The following TMEM39B variants were observed in gnomAD, a reference collection of about 807,000 sequenced individuals.
TMEM39B encodes the protein transmembrane protein 39B.
TMEM39B carries 23 observed loss-of-function variants against 52.2 expected under a neutral mutation model. The ratio of observed to expected loss-of-function variants is 0.44; its 90% CI spans 0.32 to 0.62. The LOEUF is 0.62. Among genes scored for constraint, TMEM39B ranks in the 20% least tolerant of loss-of-function variants. TMEM39B has a pLI of 0.06. For synonymous variants in TMEM39B, 285 were observed against 264.0 expected (o/e 1.08, Z -0.77); for missense variants, 547 against 642.0 (o/e 0.85, Z 1.60).
intron 5 of TMEM39B, among the ~76,000 whole-genome samples, chr1:32,077,537 G>C (rs1296504383): frequency 2.0e-5 from 3 of 152,162 alleles, no homozygotes; most frequent in Non-Finnish European, 2.9e-5. Flanking sequence ...TCTCACTATG[G>C]GGGAGGTCAG....
In TMEM39B at chr1:32,076,854, G is replaced by C. The variant is rs766416794; in HGVS notation, c.435+8G>C. 22 of 1,613,984 alleles carry C rather than the reference G, an allele frequency of 1.4e-5. No homozygotes were observed. The South Asian group carries it at 2.1e-4, about 15-fold the overall frequency. ...GGGTCCATCGTGAAGGAGGTGATTG[G>C]GTCCTAGAGGCTGGCCAGGGACTTT... On this transcript the variant is annotated splice_region_variant and intron_variant, in intron 4 of 8. Coordinates refer to ENST00000336294, the MANE Select transcript of TMEM39B (RefSeq NM_018056.4).
chr1:32,080,718 A>G (rs1051408771), intron 5 of TMEM39B, among the ~76,000 whole-genome samples: 2 of 150,352 alleles, frequency 1.3e-5, no homozygotes, highest in Admixed American at 6.6e-5. Context: ...TTGACAGTTT[A>G]TGGTTACTAC....
rs752720517 is a variant in TMEM39B, at chr1:32,102,655, G to A, written c.1461G>A (p.Leu487=). The change falls in exon 9 of 9, where the codon CTG becomes CTA. Residue 487 remains leucine, a synonymous_variant. Coordinates refer to ENST00000336294, the MANE Select transcript of TMEM39B (RefSeq NM_018056.4). ...YSYSASPQRD[L]DHRFS is the part of the protein sequence containing the mutation. ...ACTCTGCTAGCCCCCAGAGAGACCTGGACCACCGTTTCTCCTGAGCCCTGG... is the reference window on the plus strand; with the variant it reads ...ACTCTGCTAGCCCCCAGAGAGACCTAGACCACCGTTTCTCCTGAGCCCTGG... 6.9e-6 allele frequency: 11 copies of A among 1,583,276 alleles called. No individual in the cohort carries two copies. In the East Asian group the frequency reaches 2.5e-4, roughly 36 times the overall value.
At chr1:32,082,491 G>C (rs964220296) in intron 5 of TMEM39B, among the ~76,000 whole-genome samples, 3 of 151,780 alleles carry the variant, frequency 2.0e-5, no homozygotes, top group African/African-American at 7.3e-5. Flanking sequence ...GTCTCTCTCT[G>C]TCACCCAGGC....
intron 5 of TMEM39B, among the ~76,000 whole-genome samples, chr1:32,086,371 C>T (rs139497418): frequency 6.6e-6 from 1 of 152,296 alleles, no homozygotes; most frequent in Non-Finnish European, 1.5e-5. Flanking sequence ...TGAGTAGCTA[C>T]TAGCCCCCCT....
Position 32,100,542 on chromosome 1 carries a change from GTCTC to G in TMEM39B, c.1217_1220del (p.Val406AlafsTer34). 1 of 1,614,108 alleles carries G rather than the reference GTCTC, an allele frequency of 6.2e-7. No individual in the cohort carries two copies. On this transcript the variant is annotated frameshift_variant, in exon 8 of 9. Transcript: ENST00000336294. LOFTEE classifies it high-confidence loss of function. ...CTACAACGTGGCTATCCCCTCTGAC[GTCTC>G]CCACTTCCGCTTCCATGTGAGTCTC...
intron 5 of TMEM39B, among the ~76,000 whole-genome samples, chr1:32,080,177 C>T (rs1640035416): frequency 1.3e-5 from 2 of 152,014 alleles, no homozygotes; most frequent in Admixed American, 6.6e-5. Context: ...CGTGAGCCAC[C>T]GTGCCTGGCC....
rs1283163017 is a variant in TMEM39B at position 32,092,580 on chromosome 1, T to TC, written c.927+572dup. 2.6e-5 allele frequency among the ~76,000 whole-genome samples: 4 copies of TC among 152,084 alleles called. No individual in the cohort carries two copies. In the East Asian group the frequency reaches 7.7e-4, roughly 29 times the overall value. On this transcript the variant is annotated intron_variant, in intron 6 of 8. Coordinates refer to ENST00000336294, the MANE Select transcript of TMEM39B (RefSeq NM_018056.4). ...ATCTCGGCTTACTGCAACCTCCACC[T>TC]CCCAGGTTCAAGCAGTTCTCCTGCA...
At chr1:32,075,853 T>TGTGTGTGTGTGC (rs964565982) in intron 3 of TMEM39B, 31 bp downstream of exon 3, 5 of 1,320,200 alleles carry the variant, frequency 3.8e-6, no homozygotes, top group South Asian at 1.4e-5. Context: ...TGTGTGTGTG[T>TGTGTGTGTGTGC]GTGTGTGTGT....
chr1:32,090,010 CAG>C (rs1280521165), intron 5 of TMEM39B, among the ~76,000 whole-genome samples: 2 of 151,550 alleles, frequency 1.3e-5, no homozygotes, highest in African/African-American at 4.8e-5. Flanking sequence ...GCCTGAGCAA[CAG>C]AGTGAGACTC....
intron 7 of TMEM39B, among the ~76,000 whole-genome samples, chr1:32,098,759 C>T (rs1183130222): frequency 2.0e-5 from 3 of 152,070 alleles, no homozygotes; most frequent in Non-Finnish European, 4.4e-5. Context: ...AGAAAGCTCA[C>T]CGGTCCTAGC....
chr1:32,072,804 A>T (rs1639690588), upstream of TMEM39B: 1 of 536,436 alleles, frequency 1.9e-6, no homozygotes, highest in Non-Finnish European at 3.3e-6. Flanking sequence ...CAGCAGCTGC[A>T]GGAAGGGCGT....
intron 5 of TMEM39B, among the ~76,000 whole-genome samples, chr1:32,078,116 C>T (rs1441073767): frequency 6.6e-6 from 1 of 152,150 alleles, no homozygotes; most frequent in Admixed American, 6.6e-5. Flanking sequence ...CCCCTTTCTA[C>T]CCTGCATGTC....
chr1:32,089,787 C>T (rs960159374), intron 5 of TMEM39B, among the ~76,000 whole-genome samples: 14 of 151,656 alleles, frequency 9.2e-5, no homozygotes, highest in African/African-American at 3.4e-4. Context: ...CCTGTAATCC[C>T]AGCACTTTGG....
At chr1:32,100,661 G>A in intron 8 of TMEM39B, 99 bp downstream of exon 8, 2 of 1,520,688 alleles carry the variant, frequency 1.3e-6, no homozygotes, top group South Asian at 1.1e-5. Flanking sequence ...GCTATTTTCA[G>A]TATTTCCCCA....
At chr1:32,101,707 T>C (rs923070833) in intron 8 of TMEM39B, among the ~76,000 whole-genome samples, 1 of 152,214 alleles carries the variant, frequency 6.6e-6, no homozygotes, top group Non-Finnish European at 1.5e-5. Context: ...GAGCTGAGCC[T>C]GATATCCTGG....
chr1:32,087,968 G>A (rs528134658), intron 5 of TMEM39B, among the ~76,000 whole-genome samples: 143 of 148,868 alleles, frequency 9.6e-4, no homozygotes, highest in African/African-American at 3.3e-3. Context: ...GTTTTTTAAT[G>A]TGGCTAAATT....
chr1:32,102,353 T>G (rs1641048508), intron 8 of TMEM39B, 78 bp from the exon 9 acceptor site: 4 of 1,553,252 alleles, frequency 2.6e-6, no homozygotes, highest in Non-Finnish European at 3.5e-6. Context: ...TCCCCTTCAC[T>G]GGCCCACCCA....
chr1:32,098,026 C>T (rs756074291), intron 7 of TMEM39B, among the ~76,000 whole-genome samples: 4 of 151,756 alleles, frequency 2.6e-5, no homozygotes, highest in Admixed American at 6.6e-5. Context: ...GACGGGGTTT[C>T]GCTCTTGTTG....
Sources: allele counts gnomAD v4.1 joint callset (sites outside exome capture counted in the v4.1 genomes callset), GRCh38; gene constraint gnomAD v4.1.1; transcripts MANE v1.5; gene names NCBI Gene and HGNC (gene_info 2026-07-23, HGNC 2026-07-21).